The following FOXP2 variants were observed in gnomAD, a reference collection of about 807,000 sequenced individuals.
FOXP2 encodes forkhead box P2, also known as forkhead box protein P2.
A neutral mutation model predicts 115.8 loss-of-function variants in FOXP2; 12 were observed. The ratio of observed to expected loss-of-function variants is 0.10; its 90% CI spans 0.07 to 0.17. The LOEUF (loss-of-function observed/expected upper bound fraction) is 0.17. Among genes scored for constraint, FOXP2 ranks in the 10% least tolerant of loss-of-function variants. The pLI, the probability that FOXP2 is intolerant of heterozygous loss-of-function variation, is 1.00. For synonymous variants in FOXP2, 328 were observed against 297.7 expected (o/e 1.10, Z -1.05); for missense variants, 629 against 843.5 (o/e 0.75, Z 3.15).
intron 2 of FOXP2, among the ~76,000 whole-genome samples, chr7:114,529,651 GC>G (rs1224855840): frequency 6.6e-6 from 1 of 151,414 alleles, no homozygotes; most frequent in East Asian, 1.9e-4. Flanking sequence ...TTAATAATTA[GC>G]TTTTAAAACA....
intron 2 of FOXP2, among the ~76,000 whole-genome samples, chr7:114,491,193 T>TGC (rs1562957334): frequency 2.0e-5 from 3 of 151,554 alleles, no homozygotes; most frequent in African/African-American, 7.3e-5. Context: ...TTAATGATCA[T>TGC]CATTCTAACT....
At chr7:114,536,077 T>C (rs950930991) in intron 3 of FOXP2, among the ~76,000 whole-genome samples, 17 of 151,370 alleles carry the variant, frequency 1.1e-4, no homozygotes, top group African/African-American at 3.4e-4. Context: ...CAGAGAAAAA[T>C]TTACATAGAA....
chr7:114,261,742 G>A (rs1298647772), intron 1 of FOXP2, among the ~76,000 whole-genome samples: 1 of 152,136 alleles, frequency 6.6e-6, no homozygotes, highest in Non-Finnish European at 1.5e-5. Context: ...AATCTAGATA[G>A]TATAGAATAC....
rs1210625096 is a variant in FOXP2, at chr7:114,333,100, A to C, written c.-11+44991A>C. On this transcript the variant is annotated intron_variant, in intron 2 of 17. Coordinates refer to the FOXP2 transcript ENST00000634411. ...GGAGAAAATAGATAATTCTCGGAGG[A>C]ATAATAATATTTCTAAATTACAAAA... Among the ~76,000 whole-genome samples the C allele has an allele frequency of 2.0e-5, 3 of 152,318 alleles. No homozygotes were observed. In the East Asian group the frequency reaches 5.8e-4, roughly 29 times the overall value.
intron 3 of FOXP2, among the ~76,000 whole-genome samples, chr7:114,566,337 A>AC (rs1801018554): frequency 2.0e-5 from 3 of 152,018 alleles, no homozygotes; most frequent in Admixed American, 2.0e-4. Context: ...TTGAAATTTG[A>AC]CCCCCAGTGT....
chr7:114,294,670 G>C (rs748298808), intron 2 of FOXP2, among the ~76,000 whole-genome samples: 1 of 151,742 alleles, frequency 6.6e-6, no homozygotes, highest in Non-Finnish European at 1.5e-5. Flanking sequence ...GTGAAACTCC[G>C]TCTTTACTGA....
intron 3 of FOXP2, among the ~76,000 whole-genome samples, chr7:114,599,298 A>G (rs1343646717): frequency 1.3e-5 from 2 of 152,048 alleles, no homozygotes; most frequent in Non-Finnish European, 2.9e-5. Flanking sequence ...CATTGTTTCA[A>G]TTGCTTTTTT....
At chr7:114,505,677 T>G (rs1358472197) in intron 2 of FOXP2, among the ~76,000 whole-genome samples, 2 of 151,542 alleles carry the variant, frequency 1.3e-5, no homozygotes, top group East Asian at 1.9e-4. Flanking sequence ...GGTCTTCATT[T>G]CTACCATTTT....
At chr7:114,602,113 G>C (rs934442187) in intron 3 of FOXP2, among the ~76,000 whole-genome samples, 2 of 151,866 alleles carry the variant, frequency 1.3e-5, no homozygotes, top group African/African-American at 2.4e-5. Context: ...ATGTATATTT[G>C]TTTTTCCTTT....
intron 1 of FOXP2, among the ~76,000 whole-genome samples, chr7:114,226,461 C>T (rs936292971): frequency 6.6e-6 from 1 of 152,166 alleles, no homozygotes; most frequent in Non-Finnish European, 1.5e-5. Flanking sequence ...TATATGTCCA[C>T]TAACATTTGG....
At chr7:114,604,799 A>G (rs1045873685) in intron 3 of FOXP2, among the ~76,000 whole-genome samples, 1 of 152,200 alleles carries the variant, frequency 6.6e-6, no homozygotes, top group African/African-American at 2.4e-5. Flanking sequence ...ATAAACCGTG[A>G]TATGCAGAGA....
At chr7:114,357,338 C>T (rs1029777831) in intron 2 of FOXP2, among the ~76,000 whole-genome samples, 4 of 152,080 alleles carry the variant, frequency 2.6e-5, no homozygotes, top group Admixed American at 1.3e-4. Context: ...GCAGTTCAAA[C>T]GATGAAAAAT....
chr7:114,624,651 C>G (rs1006119679), intron 3 of FOXP2, among the ~76,000 whole-genome samples: 4 of 151,786 alleles, frequency 2.6e-5, no homozygotes, highest in Non-Finnish European at 5.9e-5. Context: ...ATAACTCTTA[C>G]AATAACTCTT....
In FOXP2 at chr7:114,606,765, A is replaced by G. The variant is rs1358619283; in HGVS notation, c.259-21775A>G. ...ACAGAATTTTGGGAACAGTATACCTAGAGGGGTTTGGTTTTCTGTATTATA... is the reference window on the plus strand; with the variant it reads ...ACAGAATTTTGGGAACAGTATACCTGGAGGGGTTTGGTTTTCTGTATTATA... On this transcript the variant is annotated intron_variant, in intron 3 of 16. Coordinates refer to ENST00000350908, the MANE Select transcript of FOXP2 (RefSeq NM_014491.4). Among the ~76,000 whole-genome samples the G allele has an allele frequency of 1.3e-5, 2 of 152,304 alleles. 1 individual carries two copies. The highest frequency in any genetic ancestry group is 1.3e-4 in the Admixed American group (2 of 15,290).
At chr7:114,682,757 C>G (rs1280161699) in intron 16 of FOXP2, among the ~76,000 whole-genome samples, 1 of 152,064 alleles carries the variant, frequency 6.6e-6, no homozygotes, top group East Asian at 1.9e-4. Flanking sequence ...TGTTCCATTT[C>G]TTTTGAGTTG....
intron 1 of FOXP2, among the ~76,000 whole-genome samples, chr7:114,184,365 C>T (rs1451057676): frequency 1.3e-5 from 2 of 152,060 alleles, no homozygotes; most frequent in Non-Finnish European, 2.9e-5. Context: ...GACCCAGAAG[C>T]CTTTCTATTC....
chr7:114,342,330 TA>T (rs1791236748), intron 2 of FOXP2, among the ~76,000 whole-genome samples: 1 of 151,450 alleles, frequency 6.6e-6, no homozygotes. Flanking sequence ...AGTATTTATA[TA>T]ATACCTCTTA....
chr7:114,158,579 C>G (rs974868819), upstream of FOXP2, among the ~76,000 whole-genome samples: 2 of 152,158 alleles, frequency 1.3e-5, no homozygotes, highest in East Asian at 3.9e-4. Context: ...ATGAAACTTT[C>G]CTTTGTCCTG....
At chr7:114,376,749 G>A (rs532807958) in intron 2 of FOXP2, among the ~76,000 whole-genome samples, 1 of 152,298 alleles carries the variant, frequency 6.6e-6, no homozygotes, top group Admixed American at 6.5e-5. Context: ...TGAAAATGGA[G>A]TTAGAGATAA....
Sources: allele counts gnomAD v4.1 joint callset (sites outside exome capture counted in the v4.1 genomes callset), GRCh38; gene constraint gnomAD v4.1.1; transcripts MANE v1.5; gene names NCBI Gene and HGNC (gene_info 2026-07-23, HGNC 2026-07-21).